EYA1: variants seen among roughly 807,000 people sequenced by gnomAD.
The protein encoded by EYA1 is protein phosphatase EYA1.
Under a neutral mutation model 82.0 loss-of-function variants are expected in EYA1, and 16 were observed. The observed-to-expected ratio is 0.20, with a 90% CI of 0.13 to 0.30. The LOEUF is 0.30. Among genes scored for constraint, EYA1 ranks in the 10% least tolerant of loss-of-function variants. The probability of loss-of-function intolerance (pLI) is 1.00; values close to 1 mark genes in which losing one functional copy is unlikely to be tolerated. For synonymous variants in EYA1, 261 were observed against 264.4 expected, an observed-to-expected ratio of 0.99 and a Z score of 0.12; for missense variants, 633 against 730.7, an observed-to-expected ratio of 0.87 and a Z score of 1.54.
intron 2 of EYA1, among the ~76,000 whole-genome samples, chr8:71,421,002 A>G (rs1013782806): frequency 6.6e-6 from 1 of 152,178 alleles, no homozygotes; most frequent in Non-Finnish European, 1.5e-5. Context: ...TGTGGTGGTC[A>G]TGTCCAAATT....
intron 2 of EYA1, among the ~76,000 whole-genome samples, chr8:71,461,933 A>G (rs1808393386): frequency 6.6e-6 from 1 of 152,114 alleles, no homozygotes; most frequent in Admixed American, 6.5e-5. Flanking sequence ...TCCTCTCTGC[A>G]GCTGGTTGTC....
At chr8:71,287,636 G>A (rs1289481240) in intron 9 of EYA1, among the ~76,000 whole-genome samples, 1 of 152,126 alleles carries the variant, frequency 6.6e-6, no homozygotes, top group Non-Finnish European at 1.5e-5. Flanking sequence ...GAAAGAAACT[G>A]GTGAGCCACA....
At chr8:71,238,882 T>C (rs1739241787) in intron 12 of EYA1, among the ~76,000 whole-genome samples, 1 of 152,078 alleles carries the variant, frequency 6.6e-6, no homozygotes, top group Non-Finnish European at 1.5e-5. Flanking sequence ...TAATGACAGT[T>C]TGCTTCCAGT....
chr8:71,306,298 G>A (rs1322022730), intron 7 of EYA1, among the ~76,000 whole-genome samples: 4 of 152,196 alleles, frequency 2.6e-5, no homozygotes, highest in Middle Eastern at 3.2e-3. Flanking sequence ...GTGACTGATC[G>A]TGGGTGATGG....
At chr8:71,259,497 T>C (rs1466850529) in intron 11 of EYA1, among the ~76,000 whole-genome samples, 1 of 152,220 alleles carries the variant, frequency 6.6e-6, no homozygotes, top group Non-Finnish European at 1.5e-5. Flanking sequence ...TTCAGCCTGC[T>C]GGAGAAAGGT....
At chr8:71,263,237 G>A (rs1303416800) in intron 11 of EYA1, among the ~76,000 whole-genome samples, 1 of 152,176 alleles carries the variant, frequency 6.6e-6, no homozygotes, top group Non-Finnish European at 1.5e-5. Context: ...ACAGGCAGAG[G>A]TGTGTGCCTG....
At chr8:71,200,257 T>C (rs1250964917) in intron 17 of EYA1, 1 of 152,210 alleles carries the variant, frequency 6.6e-6, no homozygotes, top group Non-Finnish European at 1.5e-5. Context: ...AAAAAAATAA[T>C]GTGGTGCCTG....
intron 2 of EYA1, among the ~76,000 whole-genome samples, chr8:71,522,619 CTTTTTTT>C (rs35579621): frequency 7.4e-6 from 1 of 135,562 alleles, no homozygotes; most frequent in African/African-American, 2.7e-5. Flanking sequence ...TCAATACAAA[CTTTTTTT>C]TTTTTTTTTT....
At chr8:71,224,782 T>C (rs1423987182) in intron 12 of EYA1, among the ~76,000 whole-genome samples, 2 of 152,204 alleles carry the variant, frequency 1.3e-5, no homozygotes, top group African/African-American at 4.8e-5. Context: ...GGGTGACCAG[T>C]GTTTGAGTGA....
chr8:71,277,339 T>TG (rs1817323739), intron 9 of EYA1, among the ~76,000 whole-genome samples: 1 of 151,824 alleles, frequency 6.6e-6, no homozygotes, highest in South Asian at 2.1e-4. Flanking sequence ...TTTGTAGAGA[T>TG]GGGGGTCTTG....
chr8:71,443,769 C>T (rs1295471343), intron 2 of EYA1, among the ~76,000 whole-genome samples: 1 of 152,190 alleles, frequency 6.6e-6, no homozygotes, highest in Non-Finnish European at 1.5e-5. Context: ...GTTGGGTCCA[C>T]CCTTAAAGCC....
intron 3 of EYA1, among the ~76,000 whole-genome samples, chr8:71,346,085 C>T (rs1825671044): frequency 6.6e-6 from 1 of 152,030 alleles, no homozygotes; most frequent in Admixed American, 6.6e-5. Flanking sequence ...AAAGCTCAAG[C>T]TCTCTCTTTC....
chr8:71,334,588 G>C (rs999094821), intron 3 of EYA1, among the ~76,000 whole-genome samples: 3 of 152,116 alleles, frequency 2.0e-5, no homozygotes, highest in Admixed American at 6.6e-5. Context: ...AAGTAAGTGG[G>C]TGTCGACACC....
At chr8:71,476,549 A>G (rs1809678734) in intron 2 of EYA1, among the ~76,000 whole-genome samples, 1 of 152,122 alleles carries the variant, frequency 6.6e-6, no homozygotes, top group Non-Finnish European at 1.5e-5. Context: ...GAAAAATATA[A>G]AACACTGTTG....
At chr8:71,445,892 T>C (rs1586731223) in intron 2 of EYA1, among the ~76,000 whole-genome samples, 1 of 152,224 alleles carries the variant, frequency 6.6e-6, no homozygotes. Flanking sequence ...GTATGAGTTA[T>C]ACAGGACTTT....
chr8:71,264,620 C>T (rs751918843), intron 11 of EYA1, among the ~76,000 whole-genome samples: 8 of 151,312 alleles, frequency 5.3e-5, no homozygotes, highest in Non-Finnish European at 1.0e-4. Context: ...CTCTGTCACC[C>T]AGGCTGGAAT....
chr8:71,463,391 G>A (rs1808512895), intron 2 of EYA1, among the ~76,000 whole-genome samples: 1 of 152,124 alleles, frequency 6.6e-6, no homozygotes, highest in African/African-American at 2.4e-5. Context: ...CATTTTCACT[G>A]GACTGCTCCA....
chr8:71,291,202 A>G (rs547083677), intron 9 of EYA1, among the ~76,000 whole-genome samples: 1 of 152,352 alleles, frequency 6.6e-6, no homozygotes, highest in Admixed American at 6.5e-5. Context: ...CAGGGAAGAT[A>G]GCCGGGAGTT....
At chr8:71,384,228 T>C (rs1342004851) in intron 2 of EYA1, among the ~76,000 whole-genome samples, 1 of 152,216 alleles carries the variant, frequency 6.6e-6, no homozygotes, top group African/African-American at 2.4e-5. Context: ...ATATTTTAAA[T>C]TGGTGTGTCT....
Sources: allele counts gnomAD v4.1 joint callset (sites outside exome capture counted in the v4.1 genomes callset), GRCh38; gene constraint gnomAD v4.1.1; transcripts MANE v1.5; gene names NCBI Gene and HGNC (gene_info 2026-07-23, HGNC 2026-07-21).